XRCC4: variants seen among roughly 807,000 people sequenced by gnomAD.
XRCC4 encodes the protein DNA repair protein XRCC4.
Under a neutral mutation model 39.1 loss-of-function variants are expected in XRCC4, and 28 were observed. That is an observed-to-expected ratio of 0.72 (90% CI 0.53 to 0.98). The LOEUF (loss-of-function observed/expected upper bound fraction) is 0.98, where lower values mean the gene tolerates loss of function less well. Among genes scored for constraint, XRCC4 ranks in the 50% least tolerant of loss-of-function variants. The pLI, the probability that XRCC4 is intolerant of heterozygous loss-of-function variation, is 0.00. For synonymous variants in XRCC4, 123 were observed against 126.4 expected, an observed-to-expected ratio of 0.97 and a Z score of 0.18; for missense variants, 350 against 376.4, an observed-to-expected ratio of 0.93 and a Z score of 0.58.
At chr5:83,335,397 AC>A (rs1014664436) in intron 7 of XRCC4, among the ~76,000 whole-genome samples, 20 of 151,896 alleles carry the variant, frequency 1.3e-4, no homozygotes, top group African/African-American at 4.8e-4. Context: ...CACATAGTAC[AC>A]ATTTAATAGT....
intron 6 of XRCC4, among the ~76,000 whole-genome samples, chr5:83,218,389 C>T (rs1751955618): frequency 6.6e-6 from 1 of 151,422 alleles, no homozygotes; most frequent in African/African-American, 2.4e-5. Flanking sequence ...TAGATGGTTT[C>T]GACTTTCATA....
intron 3 of XRCC4, among the ~76,000 whole-genome samples, chr5:83,129,333 A>G (rs1329273080): frequency 6.6e-6 from 1 of 151,618 alleles, no homozygotes; most frequent in Non-Finnish European, 1.5e-5. Context: ...CCATTGGTCT[A>G]TACCTCTGTT....
chr5:83,173,008 G>A (rs1398987355), intron 3 of XRCC4, among the ~76,000 whole-genome samples: 1 of 151,892 alleles, frequency 6.6e-6, no homozygotes, highest in Non-Finnish European at 1.5e-5. Context: ...ATAGTCTCTG[G>A]TTTTATTTTC....
At chr5:83,144,989 G>A (rs564871801) in intron 3 of XRCC4, among the ~76,000 whole-genome samples, 3 of 152,096 alleles carry the variant, frequency 2.0e-5, no homozygotes, top group South Asian at 2.1e-4. Flanking sequence ...TCCGCCTCCC[G>A]AGTTCATGCC....
At chr5:83,227,415 CAT>C (rs1302428096) in intron 6 of XRCC4, among the ~76,000 whole-genome samples, 2 of 152,132 alleles carry the variant, frequency 1.3e-5, no homozygotes, top group Admixed American at 6.6e-5. Flanking sequence ...TACATTTTGA[CAT>C]ATACAAAAAT....
chr5:83,355,673 A>G (rs931671276), downstream of XRCC4, among the ~76,000 whole-genome samples: 3 of 152,170 alleles, frequency 2.0e-5, no homozygotes, highest in Non-Finnish European at 4.4e-5. Flanking sequence ...AGAGCCTCAC[A>G]CCATCACCCA....
intron 6 of XRCC4, among the ~76,000 whole-genome samples, chr5:83,230,739 A>G (rs1752465378): frequency 6.6e-6 from 1 of 152,028 alleles, no homozygotes; most frequent in Non-Finnish European, 1.5e-5. Flanking sequence ...ATTTATAAAC[A>G]TAAATGAAGA....
the XRCC4 span, among the ~76,000 whole-genome samples, chr5:83,363,436 T>G: frequency 6.6e-6 from 1 of 152,142 alleles, no homozygotes; most frequent in South Asian, 2.1e-4. Flanking sequence ...GACAAGCTGA[T>G]TAGATTTGTG....
chr5:83,231,411 C>T (rs916794581), intron 6 of XRCC4, among the ~76,000 whole-genome samples: 2 of 152,062 alleles, frequency 1.3e-5, no homozygotes, highest in Admixed American at 1.3e-4. Flanking sequence ...AAGCCCAGTG[C>T]TGTGCACACA....
At chr5:83,208,443 G>A (rs1335293895) in intron 6 of XRCC4, among the ~76,000 whole-genome samples, 1 of 151,904 alleles carries the variant, frequency 6.6e-6, no homozygotes, top group Non-Finnish European at 1.5e-5. Context: ...TTCACTCTAG[G>A]GAAAAGTCTG....
At chr5:83,299,357 G>A (rs553515549) in intron 7 of XRCC4, among the ~76,000 whole-genome samples, 35 of 152,066 alleles carry the variant, frequency 2.3e-4, no homozygotes, top group Non-Finnish European at 2.9e-4. Flanking sequence ...CTGAAGCTTC[G>A]ACATGATACA....
At chr5:83,289,272 T>C (rs1223770239) in intron 7 of XRCC4, among the ~76,000 whole-genome samples, 1 of 151,948 alleles carries the variant, frequency 6.6e-6, no homozygotes, top group Non-Finnish European at 1.5e-5. Context: ...AGTATGGTTT[T>C]GATGCTTGTT....
chr5:83,225,917 A>T (rs1752270400), intron 6 of XRCC4, among the ~76,000 whole-genome samples: 1 of 151,238 alleles, frequency 6.6e-6, no homozygotes. Context: ...GTCAAGGGAG[A>T]CTCTTATATG....
chr5:83,193,034 C>G (rs1410852914), intron 3 of XRCC4, among the ~76,000 whole-genome samples: 1 of 152,132 alleles, frequency 6.6e-6, no homozygotes, highest in African/African-American at 2.4e-5. Context: ...TAAATTGCTG[C>G]TTTTGTTGTG....
At chr5:83,082,761 A>G (rs1745008743) in intron 1 of XRCC4, among the ~76,000 whole-genome samples, 1 of 151,098 alleles carries the variant, frequency 6.6e-6, no homozygotes, top group Admixed American at 6.6e-5. Context: ...AGGTATCATT[A>G]GTGTTAGTGT....
intron 3 of XRCC4, among the ~76,000 whole-genome samples, chr5:83,144,582 T>G (rs1748361012): frequency 9.1e-6 from 1 of 109,546 alleles, no homozygotes; most frequent in East Asian, 3.2e-4. Context: ...ACGGATTGGC[T>G]GAGCTTCTTG....
intron 1 of XRCC4, among the ~76,000 whole-genome samples, chr5:83,085,946 A>G (rs572717991): frequency 6.5e-4 from 99 of 152,334 alleles, no homozygotes; most frequent in Middle Eastern, 3.4e-3. Flanking sequence ...TTGAGCTTTT[A>G]TATCAAGTCA....
Position 83,254,784 on chromosome 5 carries a change from G to C in XRCC4, c.746-3746G>C, listed in dbSNP as rs574563704. Among the ~76,000 whole-genome samples the C allele has an allele frequency of 9.9e-5, 15 of 152,190 alleles. No individual in the cohort carries two copies. In the South Asian group the frequency reaches 3.1e-3, roughly 32 times the overall value. On this transcript the variant is annotated intron_variant, in intron 6 of 7. Coordinates refer to ENST00000396027, the MANE Select transcript of XRCC4 (RefSeq NM_003401.5). The stretch of plus-strand genomic sequence containing the variant: ...ACAATTGGAGGAAAGAGGCAGGATG[G>C]GTTGAAATTTGAAAAATGTAGACCA...
intron 3 of XRCC4, among the ~76,000 whole-genome samples, chr5:83,179,767 T>C (rs565379022): frequency 2.6e-5 from 4 of 152,290 alleles, no homozygotes; most frequent in Admixed American, 6.5e-5. Flanking sequence ...GCCAGGGGAC[T>C]CATGAGATGA....
Sources: gnomAD v4.1 joint callset for allele counts (sites outside exome capture counted in the v4.1 genomes callset) on GRCh38, gnomAD v4.1.1 for gene constraint, MANE v1.5 for transcripts, NCBI Gene and HGNC (gene_info 2026-07-23, HGNC 2026-07-21) for gene names.